The following BRPF1 variants were observed in gnomAD, a reference collection of about 807,000 sequenced individuals.
BRPF1 encodes the protein bromodomain and PHD finger containing 1.
In BRPF1, 15 loss-of-function variants were observed where a neutral mutation model predicts 115.0. That is an observed-to-expected ratio of 0.13 (90% confidence interval 0.09 to 0.20). BRPF1 has a LOEUF of 0.20. Among genes scored for constraint, BRPF1 ranks in the 10% least tolerant of loss-of-function variants. The pLI is 1.00. For missense variants in BRPF1, 1,118 were observed against 1,638.3 expected (o/e 0.68, Z 5.48); for synonymous variants, 647 against 619.8 (o/e 1.04, Z -0.65).
rs772075231 is a variant in BRPF1, at chr3:9,740,932, C to T, written c.1713C>T (p.Asp571=). The change falls in exon 4 of 14, where the codon GAC becomes GAT. Residue 571 remains aspartate, a synonymous_variant. Coordinates refer to ENST00000383829, the MANE Select transcript of BRPF1 (RefSeq NM_001003694.2). The part of the protein sequence containing the change: ...QTHLQSQRNC[D]QVGRDSEDKN... ...ACCTGCAATCTCAGAGGAACTGTGACCAAGTTGGGGTACTGTGTCCAGTTC... is the reference window on the plus strand; with the variant it reads ...ACCTGCAATCTCAGAGGAACTGTGATCAAGTTGGGGTACTGTGTCCAGTTC... 5.0e-6 allele frequency: 8 copies of T among 1,611,818 alleles called. No individual in the cohort carries two copies. Among genetic ancestry groups the T allele is most frequent in the Non-Finnish European group, 5.1e-6 (6 of 1,179,898 alleles).
At chr3:9,742,906 A>C (rs769380375) in intron 6 of BRPF1, 38 bp from the exon 7 acceptor site, 7 of 1,592,618 alleles carry the variant, frequency 4.4e-6, no homozygotes, top group Non-Finnish European at 5.1e-6. Flanking sequence ...AATAAGGAGG[A>C]TATCTCCACT....
At position 9,734,361 on chromosome 3, in the gene BRPF1, A is replaced by C. The variant is rs1188054748; in HGVS notation, c.221A>C (p.Gln74Pro). The change falls in exon 2 of 14, where the codon CAG (glutamine) becomes CCG (proline). Residue 74 changes from glutamine (Q) to proline (P), a missense_variant. Physicochemically the swap from Gln to Pro is moderately conservative, Grantham distance 76 (BLOSUM62 -1). Around this residue, in one of 10 missense-constraint regions of BRPF1, gnomAD observed 280 missense variants for 382.8 expected, o/e 0.73. Coordinates refer to ENST00000383829, the MANE Select transcript of BRPF1 (RefSeq NM_001003694.2). This position sits in a 1 kb window ranked among gnomAD's most constrained non-coding sequence, Gnocchi z 5.7. ...CGCCAGTCACGCCCAGCCAACAAGC[A>C]GTCACCCAGCCCCTCAGAGGTCTCA... ...KGRQSRPANK[Q>P]SPSPSEVSQS... 6.2e-7 allele frequency: 1 copy of C among 1,614,126 alleles called. No individual in the cohort carries two copies. The highest frequency in any genetic ancestry group is 2.2e-5 in the East Asian group (1 of 44,872).
At chr3:9,733,474 A>AG (rs2076889725) in intron 1 of BRPF1, 1 of 152,280 alleles carries the variant, frequency 6.6e-6, no homozygotes, top group South Asian at 2.1e-4. Context: ...CTCCCAGTCC[A>AG]GGGGGGAGAC....
In BRPF1 at chr3:9,745,963, C is replaced by T; in HGVS notation, c.3324+33C>T. ...TGCTTCTGTTACACTTCTTGCTTTC[C>T]AATCCCAGAATACAGATTCACAGTT... On this transcript the variant is annotated intron_variant, in intron 12 of 13. Transcript: ENST00000383829. This position sits in a 1 kb window ranked among gnomAD's most constrained non-coding sequence, Gnocchi z 5.1. The T allele has an allele frequency of 3.1e-6, 5 of 1,587,316 alleles. No homozygotes were observed. Among genetic ancestry groups the T allele is most frequent in the Non-Finnish European group, 4.3e-6 (5 of 1,163,012 alleles).
chr3:9,735,040 T>TG (rs1553694125), intron 2 of BRPF1, among the ~76,000 whole-genome samples: 256 of 148,284 alleles, frequency 1.7e-3, no homozygotes, highest in African/African-American at 6.0e-3. Flanking sequence ...TTTTTTTTTT[T>TG]GAGACAGGGC....
chr3:9,742,864 CAG>C (rs2077054441), intron 6 of BRPF1, 78 bp from the exon 7 acceptor site: 1 of 1,468,020 alleles, frequency 6.8e-7, no homozygotes, highest in South Asian at 1.3e-5. Context: ...GGATGTGTTT[CAG>C]GGGGGCTTGT....
In BRPF1 at chr3:9,745,995, CT is replaced by C; in HGVS notation, c.3324+69del. The C allele has an allele frequency of 2.0e-6, 3 of 1,524,728 alleles. No individual in the cohort carries two copies. The highest frequency in any genetic ancestry group is 2.7e-6 in the Non-Finnish European group (3 of 1,116,938). The allele number at this position is 1,524,728 out of a possible 1,614,324, so 94.4% of individuals were successfully genotyped here. ...AGAATACAGATTCACAGTTAGCAGACTTTTCCTACTCCCTGCTGAGCTGTGG... is the reference window on the plus strand; with the variant it reads ...AGAATACAGATTCACAGTTAGCAGACTTTCCTACTCCCTGCTGAGCTGTGG... On this transcript the variant is annotated intron_variant, in intron 12 of 13. Transcript: ENST00000383829. The surrounding 1 kb of genome is among the most constrained non-coding windows in gnomAD (Gnocchi z 5.1).
intron 1 of BRPF1, among the ~76,000 whole-genome samples, chr3:9,733,648 A>G (rs2076892770): frequency 6.6e-6 from 1 of 152,246 alleles, no homozygotes; most frequent in Non-Finnish European, 1.5e-5. Context: ...GGCATTCCAA[A>G]TAGGGATCAT....
At chr3:9,732,569 C>G (rs2076873167) in intron 1 of BRPF1, 1 of 152,244 alleles carries the variant, frequency 6.6e-6, no homozygotes, top group African/African-American at 2.4e-5. Context: ...CTGCCGGGTT[C>G]CAAGGGGAGA....
rs953300092 is a variant in BRPF1 at position 9,747,526 on chromosome 3, C to A, written c.*177C>A. 1.3e-5 allele frequency: 9 copies of A among 667,464 alleles called. No individual in the cohort carries two copies. In the African/African-American group the frequency reaches 1.6e-4, roughly 12 times the overall value. The allele number at this position is 667,464 out of a possible 1,614,324, so 41.3% of individuals were successfully genotyped here. On this transcript the variant is annotated 3_prime_UTR_variant, in exon 14 of 14. Transcript: ENST00000383829. This position sits in a 1 kb window ranked among gnomAD's most constrained non-coding sequence, Gnocchi z 5.6. ...CTAAGTGCAGCTGGACTGTACAGAACACTCCAAGGGCCAATGGCAGTTCAG... is the reference window on the plus strand; with the variant it reads ...CTAAGTGCAGCTGGACTGTACAGAAAACTCCAAGGGCCAATGGCAGTTCAG...
rs773775080 is a variant in BRPF1, at chr3:9,743,737, C to T, written c.2471C>T (p.Ala824Val). 1.2e-6 allele frequency: 2 copies of T among 1,614,188 alleles called. No homozygotes were observed. Among genetic ancestry groups the T allele is most frequent in the Non-Finnish European group, 8.5e-7 (1 of 1,180,036 alleles). The change falls in exon 8 of 14, where the codon GCA becomes GTA. Residue 824 changes from alanine to valine, a missense_variant. Ala to Val is a moderately conservative substitution (Grantham distance 64, BLOSUM62 0). This residue lies in a region of BRPF1 where 223 missense variants were observed against 240.7 expected (regional missense o/e 0.93). Transcript: ENST00000383829. This position sits in a 1 kb window ranked among gnomAD's most constrained non-coding sequence, Gnocchi z 6.1. ...AAGATGATCAAGAAAGAGATGACGG[C>T]ACTGCGGCGGAAGCTTGCCCATCAG... ...RAKMIKKEMT[A>V]LRRKLAHQRE...
Position 9,743,041 on chromosome 3 carries a change from A to T in BRPF1, c.2099A>T (p.Glu700Val). 1 of 1,614,240 alleles carries T rather than the reference A, an allele frequency of 6.2e-7. No homozygotes were observed. Among genetic ancestry groups the T allele is most frequent in the African/African-American group, 1.3e-5 (1 of 75,072 alleles). Residue 700 changes from glutamate to valine, a missense_variant, in exon 7 of 14, where the codon GAG becomes GTG. Physicochemically the swap from Glu to Val is moderately radical, Grantham distance 121. This residue lies in a region of BRPF1 where 178 missense variants were observed against 303.7 expected (regional missense o/e 0.59). Coordinates refer to ENST00000383829, the MANE Select transcript of BRPF1 (RefSeq NM_001003694.2). This position sits in a 1 kb window ranked among gnomAD's most constrained non-coding sequence, Gnocchi z 6.1. Reference protein sequence around the residue: ...AYRYLNFDDFEEDFNLIVSNC... With the variant: ...AYRYLNFDDFVEDFNLIVSNC... ...CGCTACCTGAATTTTGATGATTTTG[A>T]GGAGGACTTCAACCTCATCGTCAGC...
In BRPF1 at chr3:9,747,538, C is replaced by G; in HGVS notation, c.*189C>G. Reference sequence around the variant, plus strand: ...GGACTGTACAGAACACTCCAAGGGCCAATGGCAGTTCAGCGCAAGGAGAGG... The same window carrying G: ...GGACTGTACAGAACACTCCAAGGGCGAATGGCAGTTCAGCGCAAGGAGAGG... On this transcript the variant is annotated 3_prime_UTR_variant, in exon 14 of 14. Coordinates refer to ENST00000383829, the MANE Select transcript of BRPF1 (RefSeq NM_001003694.2). The surrounding 1 kb of genome is among the most constrained non-coding windows in gnomAD (Gnocchi z 5.6). The G allele has an allele frequency of 1.8e-6, 1 of 565,978 alleles. No homozygotes were observed. Among genetic ancestry groups the G allele is most frequent in the Admixed American group, 3.1e-5 (1 of 32,270 alleles). The allele number at this position is 565,978 out of a possible 1,614,324, so 35.1% of individuals were successfully genotyped here.
At position 9,739,533 on chromosome 3, in the gene BRPF1, A is replaced by C. The variant is rs528287023; in HGVS notation, c.1134A>C (p.Pro378=). Residue 378 remains proline, a synonymous_variant, in exon 3 of 14, where the codon CCA becomes CCC. Transcript: ENST00000383829. ...CTATTGACAGCATTGAGCACATCCC[A>C]CCAGCTCGCTGGAAGCTCACCTGCT... ...LEPIDSIEHI[P]PARWKLTCYI... 1.2e-6 allele frequency: 2 copies of C among 1,613,402 alleles called. No homozygotes were observed. Among genetic ancestry groups the C allele is most frequent in the Admixed American group, 3.3e-5 (2 of 60,004 alleles).
chr3:9,732,578 G>A (rs1423213425), intron 1 of BRPF1: 1 of 152,356 alleles, frequency 6.6e-6, no homozygotes, highest in East Asian at 1.9e-4. Flanking sequence ...TCCAAGGGGA[G>A]ATTGCTGATT....
In BRPF1 at chr3:9,745,192, T is replaced by C. The variant is rs767822069; in HGVS notation, c.3068+37T>C. 1 of 1,604,802 alleles carries C rather than the reference T, an allele frequency of 6.2e-7. No individual in the cohort carries two copies. The highest frequency in any genetic ancestry group is 2.2e-5 in the East Asian group (1 of 44,738). On this transcript the variant is annotated intron_variant, in intron 10 of 13. Coordinates refer to ENST00000383829, the MANE Select transcript of BRPF1 (RefSeq NM_001003694.2). The surrounding 1 kb of genome is among the most constrained non-coding windows in gnomAD (Gnocchi z 5.1). ...CCAGATCGAGGCCAACCTCAGGGGA[T>C]GCCCTTCCAGGGCTCTTGGGCCTGT...
chr3:9,738,879 A>G, intron 2 of BRPF1, 120 bp from the exon 3 acceptor site: 1 of 872,298 alleles, frequency 1.1e-6, no homozygotes, highest in Non-Finnish European at 1.7e-6. Context: ...TGAGGATGAA[A>G]TGAGACAACA....
Position 9,745,559 on chromosome 3 carries a change from T to C in BRPF1, c.3069-14T>C. ...CCCCTCCTTTGAGCTGAGCTCCCAT[T>C]GTCTTGTCCACAGCACAACGCCCTC... is the stretch of plus-strand genomic sequence containing the variant. On this transcript the variant is annotated splice_polypyrimidine_tract_variant and intron_variant, in intron 10 of 13. Coordinates refer to ENST00000383829, the MANE Select transcript of BRPF1 (RefSeq NM_001003694.2). The surrounding 1 kb of genome is among the most constrained non-coding windows in gnomAD (Gnocchi z 5.1). 6.2e-7 allele frequency: 1 copy of C among 1,613,508 alleles called. No individual in the cohort carries two copies. The highest frequency in any genetic ancestry group is 8.5e-7 in the Non-Finnish European group (1 of 1,179,438).
chr3:9,738,754 G>C (rs954663674), intron 2 of BRPF1, among the ~76,000 whole-genome samples: 2 of 152,212 alleles, frequency 1.3e-5, no homozygotes, highest in African/African-American at 4.8e-5. Flanking sequence ...TCACATCCCA[G>C]CTCCACCACT....
Sources: gnomAD v4.1 joint callset for allele counts (sites outside exome capture counted in the v4.1 genomes callset) on GRCh38, gnomAD v4.1.1 for gene constraint, gnomAD v4.1.1 regional missense constraint, Gnocchi (gnomAD v3.1) non-coding constraint, MANE v1.5 for transcripts, NCBI Gene and HGNC (gene_info 2026-07-23, HGNC 2026-07-21) for gene names.